Variants in CALN1 observed in about 807,000 individuals in gnomAD.
CALN1 encodes the protein calcium-binding protein 8.
In CALN1, 17 loss-of-function variants were observed where a neutral mutation model predicts 30.6. That is an observed-to-expected ratio of 0.56 (90% CI 0.38 to 0.83). CALN1 has a LOEUF of 0.83. Ranked by LOEUF, CALN1 falls within the 40% of genes least tolerant of loss-of-function variation. The pLI, the probability that CALN1 is intolerant of heterozygous loss-of-function variation, is 0.00. For synonymous variants in CALN1, 156 were observed against 131.4 expected, an observed-to-expected ratio of 1.19 and a Z score of -1.28; for missense variants, 291 against 354.9, an observed-to-expected ratio of 0.82 and a Z score of 1.45.
At chr7:72,356,293 T>C (rs1226244219) in intron 2 of CALN1, among the ~76,000 whole-genome samples, 2 of 150,256 alleles carry the variant, frequency 1.3e-5, no homozygotes, top group African/African-American at 5.0e-5. Context: ...TGAATAACTA[T>C]TGTATTTTAA....
intron 2 of CALN1, among the ~76,000 whole-genome samples, chr7:72,310,907 TAAAAAAAAA>T (rs5884884): frequency 1.8e-5 from 2 of 113,732 alleles, no homozygotes; most frequent in Non-Finnish European, 3.8e-5. Flanking sequence ...GACTCCGTCT[TAAAAAAAAA>T]AAAAAAAAAA....
intron 5 of CALN1, among the ~76,000 whole-genome samples, chr7:72,014,463 T>C (rs1294180144): frequency 3.3e-5 from 5 of 152,206 alleles, no homozygotes; most frequent in Admixed American, 1.3e-4. Flanking sequence ...AAGATAACTG[T>C]TAACCAATCC....
At chr7:72,201,416 C>T (rs1216174966) in intron 3 of CALN1, among the ~76,000 whole-genome samples, 1 of 151,764 alleles carries the variant, frequency 6.6e-6, no homozygotes, top group East Asian at 1.9e-4. Context: ...TAGTGAAACC[C>T]CATCTCTATT....
At chr7:72,205,551 A>AAATATATACATATATATATAT in intron 3 of CALN1, among the ~76,000 whole-genome samples, 2,531 of 82,546 alleles carry the variant, frequency 0.031, 372 homozygotes, top group East Asian at 0.1. Context: ...GCAAAAAAAA[A>AAATATATACATATATATATAT]ATATATATAT....
chr7:72,069,946 C>T (rs991902517), intron 4 of CALN1, among the ~76,000 whole-genome samples: 1 of 152,126 alleles, frequency 6.6e-6, no homozygotes, highest in Admixed American at 6.5e-5. Flanking sequence ...TTGGGGATGT[C>T]CTGAGGTCCT....
intron 3 of CALN1, among the ~76,000 whole-genome samples, chr7:72,126,514 C>G (rs1452248537): frequency 6.6e-6 from 1 of 152,048 alleles, no homozygotes; most frequent in Non-Finnish European, 1.5e-5. Context: ...GATAGACACC[C>G]AAAAGAAAAG....
chr7:71,875,533 C>T (rs1393381425), intron 5 of CALN1, among the ~76,000 whole-genome samples: 2 of 152,130 alleles, frequency 1.3e-5, no homozygotes, highest in African/African-American at 4.8e-5. Flanking sequence ...GGGGCATAGT[C>T]ATCAATTATG....
At chr7:71,998,352 G>A (rs1229103451) in intron 5 of CALN1, among the ~76,000 whole-genome samples, 1 of 152,068 alleles carries the variant, frequency 6.6e-6, no homozygotes, top group Non-Finnish European at 1.5e-5. Context: ...ACATACAATA[G>A]ACTATCCTTT....
At chr7:72,113,652 C>A (rs1807732177) in intron 3 of CALN1, among the ~76,000 whole-genome samples, 1 of 152,194 alleles carries the variant, frequency 6.6e-6, no homozygotes. Flanking sequence ...CACAACCATG[C>A]ACATTTGTTT....
chr7:72,131,258 G>A (rs561702222), intron 3 of CALN1, among the ~76,000 whole-genome samples: 1 of 152,198 alleles, frequency 6.6e-6, no homozygotes, highest in East Asian at 1.9e-4. Flanking sequence ...TTTTTCAGCG[G>A]GGATGTACAA....
chr7:72,003,756 T>C (rs147245323), intron 5 of CALN1, among the ~76,000 whole-genome samples: 2 of 152,318 alleles, frequency 1.3e-5, no homozygotes, highest in African/African-American at 2.4e-5. Flanking sequence ...TGTATAATTA[T>C]TTCATTATAC....
At chr7:72,324,559 AATTT>A (rs10562818) in intron 2 of CALN1, among the ~76,000 whole-genome samples, 30,236 of 129,354 alleles carry the variant, frequency 0.23, 4,013 homozygotes, top group African/African-American at 0.39. Flanking sequence ...TAAATGATGT[AATTT>A]ATTTATTTAT....
intron 1 of CALN1, among the ~76,000 whole-genome samples, chr7:72,443,442 C>G (rs769160299): frequency 2.6e-5 from 4 of 152,194 alleles, no homozygotes; most frequent in Non-Finnish European, 5.9e-5. Context: ...CCCTTAGGAT[C>G]TAACCCCTGT....
chr7:72,284,560 G>T (rs1797956866), intron 2 of CALN1, among the ~76,000 whole-genome samples: 1 of 152,158 alleles, frequency 6.6e-6, no homozygotes, highest in Admixed American at 6.5e-5. Flanking sequence ...AGGCCTACAT[G>T]GAATGAACAC....
chr7:72,403,621 G>A (rs1016670657), intron 1 of CALN1, among the ~76,000 whole-genome samples, 179 bp from the exon 2 acceptor site: 4 of 152,198 alleles, frequency 2.6e-5, no homozygotes, highest in Admixed American at 6.5e-5. Context: ...TTATTAATAA[G>A]GCCTCAATGT....
At chr7:71,797,045 G>C (rs148945334) in intron 6 of CALN1, among the ~76,000 whole-genome samples, 5 of 152,320 alleles carry the variant, frequency 3.3e-5, no homozygotes, top group South Asian at 2.1e-4. Flanking sequence ...CTCCTGGAGA[G>C]AGTCATCTGC....
At chr7:72,366,867 A>C (rs948544558) in intron 2 of CALN1, among the ~76,000 whole-genome samples, 2 of 152,074 alleles carry the variant, frequency 1.3e-5, no homozygotes, top group Non-Finnish European at 2.9e-5. Flanking sequence ...AAAGACATGC[A>C]CTAGAATATT....
chr7:72,073,555 A>G (rs2129538238), intron 4 of CALN1, among the ~76,000 whole-genome samples: 1 of 152,252 alleles, frequency 6.6e-6, no homozygotes, highest in African/African-American at 2.4e-5. Context: ...CTGGAGAAAA[A>G]GGGGAGGGGA....
At chr7:72,054,530 T>TATATATAC (rs1803112330) in intron 4 of CALN1, among the ~76,000 whole-genome samples, 2 of 69,168 alleles carry the variant, frequency 2.9e-5, no homozygotes, top group South Asian at 7.7e-4. Flanking sequence ...CATATATACA[T>TATATATAC]ACATATATAT....
Sources: allele counts gnomAD v4.1 joint callset (sites outside exome capture counted in the v4.1 genomes callset), GRCh38; gene constraint gnomAD v4.1.1; transcripts MANE v1.5; gene names NCBI Gene and HGNC (gene_info 2026-07-23, HGNC 2026-07-21).